RNF169: variants seen among roughly 807,000 people sequenced by gnomAD.
RNF169 encodes ring finger protein 169.
RNF169 carries 24 observed loss-of-function variants against 53.9 expected under a neutral mutation model. The ratio of observed to expected loss-of-function variants is 0.45; its 90% CI spans 0.32 to 0.63. The LOEUF is 0.63. Ranked by LOEUF, RNF169 falls within the 20% of genes least tolerant of loss-of-function variation. The probability of loss-of-function intolerance (pLI) is 0.04; values close to 1 mark genes in which losing one functional copy is unlikely to be tolerated. For synonymous variants in RNF169, 396 were observed against 363.5 expected (o/e 1.09, Z -1.02); for missense variants, 883 against 906.2 (o/e 0.97, Z 0.33).
At chr11:74,817,481 CAT>C (rs2035953772) in intron 3 of RNF169, 113 bp from the exon 4 acceptor site, 2 of 676,614 alleles carry the variant, frequency 3.0e-6, no homozygotes, top group East Asian at 2.5e-5. Flanking sequence ...CAGTTGGAAA[CAT>C]AGGTTGGAGC....
chr11:74,804,019 C>T (rs2035770431), intron 2 of RNF169, among the ~76,000 whole-genome samples: 1 of 152,136 alleles, frequency 6.6e-6, no homozygotes, highest in Non-Finnish European at 1.5e-5. Context: ...TTCATTATGA[C>T]ATTGATGAGA....
intron 1 of RNF169, among the ~76,000 whole-genome samples, chr11:74,762,801 C>T (rs513157): frequency 0.18 from 28,074 of 152,054 alleles, 2,820 homozygotes; most frequent in South Asian, 0.38. Flanking sequence ...AGGAAAATCT[C>T]GTTTCCAAAA....
chr11:74,818,215 G>C (rs955313702), intron 4 of RNF169, among the ~76,000 whole-genome samples: 1 of 152,172 alleles, frequency 6.6e-6, no homozygotes, highest in Non-Finnish European at 1.5e-5. Flanking sequence ...TAGATGATGG[G>C]TGCTAGAAGG....
intron 1 of RNF169, among the ~76,000 whole-genome samples, chr11:74,778,987 C>T (rs1476178738): frequency 1.3e-5 from 2 of 152,140 alleles, no homozygotes; most frequent in Admixed American, 6.5e-5. Context: ...AGCAATACTG[C>T]GTATTATTAA....
Position 74,836,038 on chromosome 11 carries a change from G to C in RNF169, c.1435G>C (p.Ala479Pro). The change falls in exon 6 of 6, where the codon GCT (alanine) becomes CCT (proline). Residue 479 changes from alanine to proline, a missense_variant. By Grantham distance (27) the Ala-to-Pro change is conservative (BLOSUM62 -1). Transcript: ENST00000299563. ...TTCTAGCAAGGAGAAGCCACTTGTG[G>C]CTGTAAATACAAGATTATCTGGTGG... ...IHSSKEKPLV[A>P]VNTRLSGGQV... is the part of the protein sequence containing the mutation. 6.2e-7 allele frequency: 1 copy of C among 1,614,180 alleles called. No homozygotes were observed. The highest frequency in any genetic ancestry group is 2.2e-5 in the East Asian group (1 of 44,872).
chr11:74,789,597 A>G, intron 1 of RNF169, 29 bp from the exon 2 acceptor site: 1 of 1,499,936 alleles, frequency 6.7e-7, no homozygotes, highest in South Asian at 1.1e-5. Flanking sequence ...AGTCATCTTA[A>G]AAAGTATTTT....
At chr11:74,765,077 T>G (rs1387620928) in intron 1 of RNF169, among the ~76,000 whole-genome samples, 1 of 152,084 alleles carries the variant, frequency 6.6e-6, no homozygotes, top group East Asian at 1.9e-4. Flanking sequence ...GATGTGGTGG[T>G]GTGCGCCTGT....
At chr11:74,801,382 C>T (rs1049743542) in intron 2 of RNF169, among the ~76,000 whole-genome samples, 19 of 152,284 alleles carry the variant, frequency 1.2e-4, no homozygotes, top group Non-Finnish European at 2.5e-4. Context: ...GAAGCCGTAG[C>T]TGTTAGTGCC....
intron 4 of RNF169, among the ~76,000 whole-genome samples, chr11:74,824,838 C>T (rs1290152993): frequency 6.6e-6 from 1 of 152,100 alleles, no homozygotes. Flanking sequence ...TGTATAAGAC[C>T]TAGAAAATAG....
chr11:74,818,860 TTTTG>T (rs1417418246), intron 4 of RNF169, among the ~76,000 whole-genome samples: 4 of 152,292 alleles, frequency 2.6e-5, no homozygotes, highest in South Asian at 2.1e-4. Flanking sequence ...TTTGGGGCTT[TTTTG>T]TTTGTTTGTT....
chr11:74,765,326 T>G (rs1352114776), intron 1 of RNF169, among the ~76,000 whole-genome samples: 1 of 152,204 alleles, frequency 6.6e-6, no homozygotes, highest in Non-Finnish European at 1.5e-5. Context: ...ATGCAACATT[T>G]ACGTAATTTT....
intron 1 of RNF169, among the ~76,000 whole-genome samples, chr11:74,769,211 T>G (rs1283503180): frequency 6.6e-6 from 1 of 152,128 alleles, no homozygotes; most frequent in East Asian, 1.9e-4. Flanking sequence ...GTGAGAAGAT[T>G]TGAATAGGCA....
chr11:74,749,654 G>A (rs1295893890), intron 1 of RNF169, among the ~76,000 whole-genome samples: 9 of 152,344 alleles, frequency 5.9e-5, no homozygotes, highest in Non-Finnish European at 1.2e-4. Context: ...GTTGGAACAA[G>A]TTAGGGGCAG....
intron 3 of RNF169, among the ~76,000 whole-genome samples, chr11:74,816,958 C>G (rs1000015915): frequency 2.0e-5 from 3 of 151,972 alleles, no homozygotes; most frequent in East Asian, 3.8e-4. Context: ...GAGAAGAAAG[C>G]CTGAAGAGAA....
At chr11:74,769,265 T>C (rs1220580300) in intron 1 of RNF169, among the ~76,000 whole-genome samples, 1 of 152,190 alleles carries the variant, frequency 6.6e-6, no homozygotes, top group East Asian at 1.9e-4. Flanking sequence ...ACATCTAGAA[T>C]GATACGCAAC....
rs1230736435 is a variant in RNF169, at chr11:74,821,657, CAAAAAAAAAAA to C, written c.842+3958_842+3968del. ...TGGGCGACAGAGCGAGACTCCGTCT[CAAAAAAAAAAA>C]AAAAAAAAAAAAAAGAATACAAGTG... On this transcript the variant is annotated intron_variant, in intron 4 of 5. Coordinates refer to ENST00000299563, the MANE Select transcript of RNF169 (RefSeq NM_001098638.2). 1.5e-4 allele frequency among the ~76,000 whole-genome samples: 4 copies of C among 26,074 alleles called. 1 individual carries two copies. In the African/African-American group the frequency reaches 1.7e-3, roughly 11 times the overall value. 17.1% of individuals were successfully genotyped at this position (26,074 alleles called of 152,430 possible).
At chr11:74,797,739 G>A (rs764561963) in intron 2 of RNF169, among the ~76,000 whole-genome samples, 6 of 152,116 alleles carry the variant, frequency 3.9e-5, no homozygotes, top group Admixed American at 3.3e-4. Flanking sequence ...CAGCACTTTC[G>A]GAGGCTGAGG....
chr11:74,792,590 A>AG lies in RNF169; in HGVS notation c.576+2896dup, dbSNP rs535804240. On this transcript the variant is annotated intron_variant, in intron 2 of 5. Coordinates refer to ENST00000299563, the MANE Select transcript of RNF169 (RefSeq NM_001098638.2). Reference sequence around the variant, plus strand: ...CTAAATTTTGTATTTGTGAGTAGAGAGGGGGTTTCATTATGTTGGCCAGGC... The same window carrying AG: ...CTAAATTTTGTATTTGTGAGTAGAGAGGGGGGTTTCATTATGTTGGCCAGGC... 2.6e-4 allele frequency among the ~76,000 whole-genome samples: 40 copies of AG among 152,120 alleles called. No individual in the cohort carries two copies. The East Asian group carries it at 6.2e-3, about 24-fold the overall frequency.
At chr11:74,788,306 C>T (rs1189433199) in intron 1 of RNF169, among the ~76,000 whole-genome samples, 13 of 145,520 alleles carry the variant, frequency 8.9e-5, no homozygotes, top group Non-Finnish European at 1.2e-4. Flanking sequence ...AACATAAACA[C>T]ACACACACAC....
Sources: allele counts gnomAD v4.1 joint callset (sites outside exome capture counted in the v4.1 genomes callset), GRCh38; gene constraint gnomAD v4.1.1; transcripts MANE v1.5; gene names NCBI Gene and HGNC (gene_info 2026-07-23, HGNC 2026-07-21).